Variants in PCDHGA12 observed in about 807,000 individuals in gnomAD.
PCDHGA12 encodes protocadherin gamma subfamily A, 12.
Under a neutral mutation model 61.1 loss-of-function variants are expected in PCDHGA12, and 43 were observed. The ratio of observed to expected loss-of-function variants is 0.70; its 90% confidence interval spans 0.55 to 0.91. The LOEUF is 0.91. Ranked by LOEUF, PCDHGA12 falls within the 40% of genes least tolerant of loss-of-function variation. The pLI, the probability that PCDHGA12 is intolerant of heterozygous loss-of-function variation, is 0.00. For synonymous variants in PCDHGA12, 520 were observed against 542.9 expected, an observed-to-expected ratio of 0.96 and a Z score of 0.59; for missense variants, 1,236 against 1,227.7, an observed-to-expected ratio of 1.01 and a Z score of -0.10.
At chr5:141,454,092 T>C (rs552760379) in intron 1 of PCDHGA12, among the ~76,000 whole-genome samples, 2 of 152,316 alleles carry the variant, frequency 1.3e-5, no homozygotes, top group East Asian at 3.9e-4. Flanking sequence ...GAAATTTGAA[T>C]TGAACATAAA....
At chr5:141,435,503 A>G (rs2097767522) in intron 1 of PCDHGA12, among the ~76,000 whole-genome samples, 1 of 152,170 alleles carries the variant, frequency 6.6e-6, no homozygotes, top group Non-Finnish European at 1.5e-5. Context: ...TACACTAATG[A>G]TACTAATGAT....
intron 3 of PCDHGA12, 56 bp from the exon 4 acceptor site, chr5:141,510,891 G>A (rs945706652): frequency 8.7e-6 from 14 of 1,612,762 alleles, no homozygotes; most frequent in Middle Eastern, 1.6e-4. Flanking sequence ...ATATAAGACA[G>A]TGACTGTTGA....
chr5:141,498,009 C>A (rs1160103624), intron 2 of PCDHGA12, among the ~76,000 whole-genome samples: 1 of 152,146 alleles, frequency 6.6e-6, no homozygotes, highest in Non-Finnish European at 1.5e-5. Context: ...TTACAGTGCA[C>A]TGAAGGAGAC....
At chr5:141,507,724 G>A (rs2099862962) in intron 3 of PCDHGA12, among the ~76,000 whole-genome samples, 1 of 152,256 alleles carries the variant, frequency 6.6e-6, no homozygotes. Context: ...CTCCAAGCAA[G>A]TCATGCAGCT....
intron 1 of PCDHGA12, among the ~76,000 whole-genome samples, chr5:141,452,388 A>G (rs892688242): frequency 3.9e-5 from 6 of 152,210 alleles, no homozygotes; most frequent in Non-Finnish European, 5.9e-5. Flanking sequence ...TAGTATTTAG[A>G]AACTAAGATC....
rs1456184444 is a variant in PCDHGA12, at chr5:141,512,578, C to T, written c.*1405C>T. On this transcript the variant is annotated 3_prime_UTR_variant, in exon 4 of 4. Coordinates refer to ENST00000252085, the MANE Select transcript of PCDHGA12 (RefSeq NM_003735.3). ...ATAGACCTTCTTCTCCCACCCCCTT[C>T]TGCCCCTGGGTCCCCGGCCATCCAG... is the stretch of plus-strand genomic sequence containing the variant. 1 of 152,944 alleles carries T rather than the reference C, an allele frequency of 6.5e-6. No homozygotes were observed. The highest frequency in any genetic ancestry group is 1.5e-5 in the Non-Finnish European group (1 of 68,542). 9.5% of individuals were successfully genotyped at this position (152,944 alleles called of 1,614,324 possible). A position where few individuals can be genotyped will look rare whatever the true frequency, so the allele number is the denominator to read the frequency against.
intron 1 of PCDHGA12, among the ~76,000 whole-genome samples, chr5:141,488,839 G>A (rs954244872): frequency 2.6e-5 from 4 of 152,206 alleles, no homozygotes; most frequent in African/African-American, 9.6e-5. Flanking sequence ...CAAGGGGGCT[G>A]AATCAACCTG....
chr5:141,443,650 CA>C (rs2098397782), intron 1 of PCDHGA12, among the ~76,000 whole-genome samples: 1 of 152,150 alleles, frequency 6.6e-6, no homozygotes. Flanking sequence ...ATAATGTTAG[CA>C]TAGCATTTTA....
chr5:141,507,525 A>T (rs1053801558), intron 3 of PCDHGA12, among the ~76,000 whole-genome samples: 1 of 152,000 alleles, frequency 6.6e-6, no homozygotes, highest in Non-Finnish European at 1.5e-5. Context: ...ATGATTCCAG[A>T]GAGGCCAGAG....
Position 141,478,415 on chromosome 5 carries a change from C to A in PCDHGA12, c.2425-16392C>A, listed in dbSNP as rs182700706. 5.6e-6 allele frequency: 9 copies of A among 1,613,648 alleles called. No homozygotes were observed. In the East Asian group the frequency reaches 2.0e-4, roughly 36 times the overall value. ...TCAGGTGTATCTCACCACGGACTCC[C>A]GCCGCAGCGACCCGCTGCTGAAGAA... On this transcript the variant is annotated intron_variant, in intron 1 of 3. Coordinates refer to ENST00000252085, the MANE Select transcript of PCDHGA12 (RefSeq NM_003735.3).
At chr5:141,448,394 T>C (rs1360417681) in intron 1 of PCDHGA12, among the ~76,000 whole-genome samples, 1 of 152,206 alleles carries the variant, frequency 6.6e-6, no homozygotes. Context: ...TACATTTACA[T>C]GGTTTTAAAA....
At chr5:141,466,376 C>A (rs1046432765) in intron 1 of PCDHGA12, among the ~76,000 whole-genome samples, 1 of 151,904 alleles carries the variant, frequency 6.6e-6, no homozygotes, top group Non-Finnish European at 1.5e-5. Flanking sequence ...GTTTTGGCAC[C>A]CATCTAATGG....
rs540471918 is a variant in PCDHGA12 at position 141,433,283 on chromosome 5, T to C, written c.2424+100T>C. ...ATCATAGCTCACTGCAGCCTCAAAC[T>C]CCTAGGCTCAAGCAATTATCCCACC... On this transcript the variant is annotated intron_variant, in intron 1 of 3. Coordinates refer to ENST00000252085, the MANE Select transcript of PCDHGA12 (RefSeq NM_003735.3). The C allele has an allele frequency of 4.2e-5, 50 of 1,183,074 alleles. No homozygotes were observed. In the Admixed American group the frequency reaches 7.9e-4, roughly 19 times the overall value. 73.3% of individuals were successfully genotyped at this position (1,183,074 alleles called of 1,614,324 possible).
intron 1 of PCDHGA12, among the ~76,000 whole-genome samples, chr5:141,458,298 A>G (rs2098942125): frequency 6.6e-6 from 1 of 152,178 alleles, no homozygotes; most frequent in African/African-American, 2.4e-5. Context: ...ATGCTGGTTT[A>G]GATAAAATGA....
At chr5:141,465,293 G>A (rs1407146382) in intron 1 of PCDHGA12, among the ~76,000 whole-genome samples, 2 of 152,258 alleles carry the variant, frequency 1.3e-5, no homozygotes, top group South Asian at 2.1e-4. Flanking sequence ...AAAGAACTGA[G>A]AGTCCTGGGA....
At chr5:141,480,414 C>CA (rs10712552) in intron 1 of PCDHGA12, among the ~76,000 whole-genome samples, 44 of 147,474 alleles carry the variant, frequency 3.0e-4, no homozygotes, top group Non-Finnish European at 4.4e-4. Context: ...GACCCTGTCT[C>CA]AAAAAAAAAA....
Position 141,491,965 on chromosome 5 carries a change from G to A in PCDHGA12, c.2425-2842G>A. 1 of 946,810 alleles carries A rather than the reference G, an allele frequency of 1.1e-6. No individual in the cohort carries two copies. Among genetic ancestry groups the A allele is most frequent in the Non-Finnish European group, 1.5e-6 (1 of 672,398 alleles). 58.7% of individuals were successfully genotyped at this position (946,810 alleles called of 1,614,324 possible). On this transcript the variant is annotated intron_variant, in intron 1 of 3. Coordinates refer to ENST00000252085, the MANE Select transcript of PCDHGA12 (RefSeq NM_003735.3). The surrounding 1 kb of genome is among the most constrained non-coding windows in gnomAD (Gnocchi z 6.9). ...CCCACCCCTACACTCAAAAAAGGCC[G>A]GGGCCTCCTTCGAGCTTCCGGTGAA...
At position 141,490,409 on chromosome 5, in the gene PCDHGA12, C is replaced by G; in HGVS notation, c.2425-4398C>G. On this transcript the variant is annotated intron_variant, in intron 1 of 3. Transcript: ENST00000252085. The surrounding 1 kb of genome is among the most constrained non-coding windows in gnomAD (Gnocchi z 5.4). ...AATGGTGAAGTGAGCCTTGATATCT[C>G]TCCGGACCTGCCATTTCAGATTAAG... 1 of 1,614,202 alleles carries G rather than the reference C, an allele frequency of 6.2e-7. No homozygotes were observed. Among genetic ancestry groups the G allele is most frequent in the Non-Finnish European group, 8.5e-7 (1 of 1,180,038 alleles).
chr5:141,492,558 G>A (rs879634396), intron 1 of PCDHGA12, among the ~76,000 whole-genome samples: 1 of 152,236 alleles, frequency 6.6e-6, no homozygotes, highest in South Asian at 2.1e-4. Context: ...CGCCTGGGGG[G>A]CGGCCTGAGC....
Sources: gnomAD v4.1 joint callset for allele counts (sites outside exome capture counted in the v4.1 genomes callset) on GRCh38, gnomAD v4.1.1 for gene constraint, Gnocchi (gnomAD v3.1) non-coding constraint, MANE v1.5 for transcripts, NCBI Gene and HGNC (gene_info 2026-07-23, HGNC 2026-07-21) for gene names.